The following MANBA variants were observed in gnomAD, a reference collection of about 807,000 sequenced individuals.
The protein encoded by MANBA is mannosidase beta, also known as beta-mannosidase.
MANBA carries 83 observed loss-of-function variants against 111.1 expected under a neutral mutation model. The ratio of observed to expected loss-of-function variants is 0.75; its 90% CI spans 0.63 to 0.90. MANBA has a LOEUF of 0.90. MANBA is among the 40% of genes least tolerant of loss of function. The pLI, the probability that MANBA is intolerant of heterozygous loss-of-function variation, is 0.00. For synonymous variants in MANBA, 370 were observed against 378.7 expected, an observed-to-expected ratio of 0.98 and a Z score of 0.27; for missense variants, 1,036 against 1,069.0, an observed-to-expected ratio of 0.97 and a Z score of 0.43.
intron 1 of MANBA, among the ~76,000 whole-genome samples, chr4:102,744,382 A>T (rs1000622588): frequency 6.6e-6 from 1 of 152,202 alleles, no homozygotes; most frequent in Non-Finnish European, 1.5e-5. Context: ...AATGTCATCA[A>T]TGTAATGGAC....
intron 5 of MANBA, among the ~76,000 whole-genome samples, chr4:102,701,144 G>A (rs1310868724): frequency 6.6e-6 from 1 of 151,810 alleles, no homozygotes; most frequent in South Asian, 2.1e-4. Flanking sequence ...GATCTTTGTT[G>A]GTTTAAAGTC....
intron 5 of MANBA, among the ~76,000 whole-genome samples, chr4:102,698,112 T>C (rs1406628890): frequency 6.6e-6 from 1 of 151,790 alleles, no homozygotes; most frequent in Admixed American, 6.6e-5. Context: ...TGGCCAGTGA[T>C]GATGAGCATT....
chr4:102,703,664 G>A (rs1169236979), intron 5 of MANBA, among the ~76,000 whole-genome samples: 1 of 152,208 alleles, frequency 6.6e-6, no homozygotes, highest in African/African-American at 2.4e-5. Context: ...TGGTAATCTG[G>A]CTCAACCAGT....
intron 5 of MANBA, among the ~76,000 whole-genome samples, chr4:102,706,097 C>A (rs1184334276): frequency 6.6e-6 from 1 of 152,168 alleles, no homozygotes; most frequent in Non-Finnish European, 1.5e-5. Flanking sequence ...CAGTGGTCTA[C>A]CACTGCCACT....
At chr4:102,678,364 G>A (rs17033138) in intron 7 of MANBA, among the ~76,000 whole-genome samples, 1,799 of 152,022 alleles carry the variant, frequency 0.012, 29 homozygotes, top group African/African-American at 0.042. Flanking sequence ...CACGTCCTCT[G>A]GCAGTCTTGA....
chr4:102,745,006 AG>A (rs900455767), intron 1 of MANBA, among the ~76,000 whole-genome samples: 10 of 152,140 alleles, frequency 6.6e-5, no homozygotes, highest in Non-Finnish European at 1.5e-4. Context: ...AAATGACCAC[AG>A]GGTGGGTCCC....
chr4:102,656,177 C>A (rs186833609), intron 12 of MANBA, among the ~76,000 whole-genome samples: 1 of 152,138 alleles, frequency 6.6e-6, no homozygotes, highest in Admixed American at 6.5e-5. Context: ...TTGCTTCAGC[C>A]TGAGAGGTCA....
rs116340501 is a variant in MANBA at position 102,634,852 on chromosome 4, G to A, written c.2351C>T (p.Pro784Leu). 44 of 1,614,132 alleles carry A rather than the reference G, an allele frequency of 2.7e-5. No individual in the cohort carries two copies. The highest frequency in any genetic ancestry group is 3.4e-5 in the Non-Finnish European group (40 of 1,180,018). Residue 784 changes from proline (P) to leucine (L), a missense_variant, in exon 16 of 17, where the codon CCG (proline) becomes CTG (leucine). Pro to Leu is a moderately conservative substitution (Grantham distance 98). Transcript: ENST00000647097. ...YLSADHELLS[P>L]TNYHFLSSPK... The stretch of plus-strand genomic sequence containing the variant: ...TGAGGACAAGAAGTGGTAGTTGGTC[G>A]GGCTCAGGAGTTCATGGTCAGCTGA...
At chr4:102,709,662 C>T (rs1022959298) in intron 5 of MANBA, among the ~76,000 whole-genome samples, 6 of 152,082 alleles carry the variant, frequency 3.9e-5, no homozygotes, top group Non-Finnish European at 5.9e-5. Flanking sequence ...GCATCACGCT[C>T]ATATCAAAAC....
intron 12 of MANBA, among the ~76,000 whole-genome samples, chr4:102,652,578 A>C (rs566856976): frequency 6.6e-6 from 1 of 152,312 alleles, no homozygotes; most frequent in Non-Finnish European, 1.5e-5. Context: ...TAAAAAAAGA[A>C]TATTAACTTA....
rs373563358 is a variant in MANBA at position 102,634,974 on chromosome 4, T to A, written c.2229A>T (p.Gly743=). The A allele has an allele frequency of 1.2e-5, 20 of 1,614,012 alleles. No homozygotes were observed. The African/African-American group carries it at 2.3e-4, about 18-fold the overall frequency. The stretch of plus-strand genomic sequence containing the variant: ...CCTCATAAAGGCAGACAGCCTCTCC[T>A]CCTTTCATCACAAAACGTTCAGTCA... ...SRVTERFVMK[G]GEAVCLYEEP... The change falls in exon 16 of 17, where the codon GGA becomes GGT. Residue 743 remains glycine, a synonymous_variant. Transcript: ENST00000647097.
chr4:102,716,035 C>T (rs1312412682), intron 4 of MANBA, among the ~76,000 whole-genome samples: 3 of 151,894 alleles, frequency 2.0e-5, no homozygotes, highest in African/African-American at 4.8e-5. Context: ...GGAGGCCGGG[C>T]GCAGTGGCTC....
At chr4:102,633,951 T>G (rs1019871871) in intron 16 of MANBA, among the ~76,000 whole-genome samples, 4 of 152,214 alleles carry the variant, frequency 2.6e-5, no homozygotes, top group African/African-American at 9.7e-5. Flanking sequence ...TATGATTATT[T>G]CTAAATTAAA....
intron 7 of MANBA, among the ~76,000 whole-genome samples, chr4:102,685,737 A>G (rs1560772968): frequency 6.6e-6 from 1 of 152,168 alleles, no homozygotes; most frequent in Non-Finnish European, 1.5e-5. Flanking sequence ...TTCCAACAAT[A>G]ATACAAAGAA....
At chr4:102,735,766 A>C (rs1226719657) in intron 1 of MANBA, among the ~76,000 whole-genome samples, 1 of 152,166 alleles carries the variant, frequency 6.6e-6, no homozygotes, top group African/African-American at 2.4e-5. Flanking sequence ...TTTGTCAACC[A>C]TTTACTATAC....
At chr4:102,691,422 A>G (rs1243866391) in intron 5 of MANBA, among the ~76,000 whole-genome samples, 1 of 152,150 alleles carries the variant, frequency 6.6e-6, no homozygotes, top group East Asian at 1.9e-4. Context: ...GACAGGAGAA[A>G]TAAAAGGTTG....
chr4:102,712,779 T>C (rs1328271396), intron 5 of MANBA, among the ~76,000 whole-genome samples: 1 of 152,146 alleles, frequency 6.6e-6, no homozygotes, highest in Non-Finnish European at 1.5e-5. Context: ...TCCACCCACT[T>C]TGGCCTCCCA....
At chr4:102,634,325 C>T (rs1269105035) in intron 16 of MANBA, among the ~76,000 whole-genome samples, 11 of 152,228 alleles carry the variant, frequency 7.2e-5, no homozygotes, top group African/African-American at 1.2e-4. Context: ...AATTAGACTG[C>T]GTCAGCTGGG....
chr4:102,754,840 C>A (rs1723947502), intron 1 of MANBA, among the ~76,000 whole-genome samples: 1 of 152,250 alleles, frequency 6.6e-6, no homozygotes, highest in Middle Eastern at 3.4e-3. Context: ...CAGGCGTGAG[C>A]CACTGTGCCT....
Sources: allele counts gnomAD v4.1 joint callset (sites outside exome capture counted in the v4.1 genomes callset), GRCh38; gene constraint gnomAD v4.1.1; transcripts MANE v1.5; gene names NCBI Gene and HGNC (gene_info 2026-07-23, HGNC 2026-07-21).